The following DTL variants were observed in gnomAD, a reference collection of about 807,000 sequenced individuals.
The protein encoded by DTL is denticleless protein homolog.
Under a neutral mutation model 87.0 loss-of-function variants are expected in DTL, and 46 were observed. That is an observed-to-expected ratio of 0.53 (90% CI 0.42 to 0.68). The LOEUF is 0.68. DTL is among the 30% of genes least tolerant of loss of function. The probability of loss-of-function intolerance (pLI) is 0.00; values close to 1 mark genes in which losing one functional copy is unlikely to be tolerated. For synonymous variants in DTL, 308 were observed against 311.2 expected (o/e 0.99, Z 0.11); for missense variants, 737 against 869.4 (o/e 0.85, Z 1.91).
intron 13 of DTL, among the ~76,000 whole-genome samples, chr1:212,093,339 C>T (rs1010189777): frequency 2.7e-4 from 41 of 152,314 alleles, no homozygotes; most frequent in African/African-American, 9.4e-4. Context: ...CTATAGGCGG[C>T]TTGTGTTAAC....
intron 5 of DTL, 150 bp from the exon 6 acceptor site, chr1:212,062,733 TG>T: frequency 1.8e-6 from 1 of 566,240 alleles, no homozygotes; most frequent in East Asian, 3.0e-5. Flanking sequence ...TTTTCCTATT[TG>T]TTATTGAGCC....
chr1:212,073,008 G>A (rs1338191737), intron 11 of DTL, among the ~76,000 whole-genome samples: 4 of 151,998 alleles, frequency 2.6e-5, no homozygotes, highest in Non-Finnish European at 5.9e-5. Context: ...CTCGTGATCC[G>A]CCCAACTTGG....
intron 14 of DTL, among the ~76,000 whole-genome samples, chr1:212,101,869 G>T (rs571719827): frequency 1.3e-5 from 2 of 152,320 alleles, no homozygotes; most frequent in African/African-American, 4.8e-5. Context: ...GTAGCTGAGT[G>T]CATTGGGTGA....
intron 1 of DTL, among the ~76,000 whole-genome samples, chr1:212,037,098 C>G (rs542697331): frequency 1.3e-5 from 2 of 152,184 alleles, no homozygotes; most frequent in Admixed American, 1.3e-4. Context: ...AGTGACAGTA[C>G]GCACAGTGGC....
intron 6 of DTL, 61 bp from the exon 7 acceptor site, chr1:212,064,856 C>A: frequency 1.5e-6 from 2 of 1,334,888 alleles, no homozygotes; most frequent in Non-Finnish European, 2.1e-6. Context: ...GTTTTATTTA[C>A]ACATGTTATA....
intron 5 of DTL, among the ~76,000 whole-genome samples, chr1:212,049,286 G>T (rs905894562): frequency 6.6e-6 from 1 of 152,160 alleles, no homozygotes; most frequent in African/African-American, 2.4e-5. Flanking sequence ...CTGGAACCTT[G>T]AAGGGGAAAT....
chr1:212,079,151 C>A (rs1197709626), intron 12 of DTL, among the ~76,000 whole-genome samples: 1 of 151,810 alleles, frequency 6.6e-6, no homozygotes, highest in African/African-American at 2.4e-5. Context: ...CATGGCAGAC[C>A]TTTTCTTTTT....
chr1:212,078,049 A>G, intron 11 of DTL, 124 bp from the exon 12 acceptor site: 5 of 525,326 alleles, frequency 9.5e-6, no homozygotes, highest in Middle Eastern at 2.8e-4. Context: ...AACTATAGCT[A>G]GGCAGGTCTA....
At position 212,104,509 on chromosome 1, in the gene DTL, G is replaced by C. The variant is rs550004396; in HGVS notation, c.*1569G>C. On this transcript the variant is annotated 3_prime_UTR_variant, in exon 15 of 15. Coordinates refer to ENST00000366991, the MANE Select transcript of DTL (RefSeq NM_016448.4). ...GTTTGTTTTTTGACTGTTGGGCTTT[G>C]GGAAGATGTTATTTATGACCAATAT... 6.6e-6 allele frequency: 1 copy of C among 152,148 alleles called. No individual in the cohort carries two copies. Among genetic ancestry groups the C allele is most frequent in the African/African-American group, 2.4e-5 (1 of 41,520 alleles). 9.4% of individuals were successfully genotyped at this position (152,148 alleles called of 1,614,324 possible).
intron 11 of DTL, among the ~76,000 whole-genome samples, chr1:212,075,247 T>A (rs1654794937): frequency 6.6e-6 from 1 of 152,210 alleles, no homozygotes; most frequent in African/African-American, 2.4e-5. Context: ...ATCTGTAAGT[T>A]AGAGCCACTT....
At chr1:212,087,144 C>T (rs1400025816) in intron 13 of DTL, among the ~76,000 whole-genome samples, 2 of 152,174 alleles carry the variant, frequency 1.3e-5, no homozygotes, top group Admixed American at 6.5e-5. Context: ...GTTAGACTTG[C>T]TTAAAATCTC....
intron 7 of DTL, among the ~76,000 whole-genome samples, chr1:212,065,667 G>GA (rs999924191): frequency 8.5e-5 from 13 of 152,178 alleles, no homozygotes; most frequent in African/African-American, 3.1e-4. Flanking sequence ...TTTCTAAGGG[G>GA]AAAGAATACC....
In DTL at chr1:212,102,885, T is replaced by TC; in HGVS notation, c.2140dup (p.His714ProfsTer2). On this transcript the variant is annotated frameshift_variant, in exon 15 of 15. Transcript: ENST00000366991. LOFTEE classifies it high-confidence loss of function. ...TCCATGAGGAAAATCTGCACATACT[T>TC]CCATAGAAAGTCCCAGGAGGACTTC... 1 of 1,612,794 alleles carries TC rather than the reference T, an allele frequency of 6.2e-7. No individual in the cohort carries two copies. Among genetic ancestry groups the TC allele is most frequent in the East Asian group, 2.2e-5 (1 of 44,812 alleles).
chr1:212,098,672 T>C (rs945112533), intron 13 of DTL, among the ~76,000 whole-genome samples: 1 of 151,658 alleles, frequency 6.6e-6, no homozygotes, highest in Non-Finnish European at 1.5e-5. Flanking sequence ...TTCATACACA[T>C]CACCAGGGAA....
chr1:212,088,425 C>G (rs1251603311), intron 13 of DTL, among the ~76,000 whole-genome samples: 2 of 152,182 alleles, frequency 1.3e-5, no homozygotes, highest in African/African-American at 4.8e-5. Flanking sequence ...TTATTAGCTG[C>G]CCTCGAGGCT....
chr1:212,079,000 T>C (rs1214491577), intron 12 of DTL, among the ~76,000 whole-genome samples: 1 of 152,064 alleles, frequency 6.6e-6, no homozygotes, highest in Non-Finnish European at 1.5e-5. Context: ...GTATGACGTT[T>C]TGAGGTTTTG....
chr1:212,073,446 A>G (rs537751390), intron 11 of DTL, among the ~76,000 whole-genome samples: 1 of 152,358 alleles, frequency 6.6e-6, no homozygotes, highest in Admixed American at 6.5e-5. Context: ...CCTTCTCAAG[A>G]GAAAGTTATA....
At chr1:212,069,839 C>T (rs1200819066) in intron 10 of DTL, among the ~76,000 whole-genome samples, 1 of 152,042 alleles carries the variant, frequency 6.6e-6, no homozygotes, top group Non-Finnish European at 1.5e-5. Context: ...CCACCATGCC[C>T]GGCCCAGAAC....
chr1:212,085,904 C>G (rs1363011320), intron 13 of DTL, among the ~76,000 whole-genome samples: 1 of 152,184 alleles, frequency 6.6e-6, no homozygotes, highest in Non-Finnish European at 1.5e-5. Flanking sequence ...ATCGTCATGG[C>G]ACCCTTGGTA....
Sources: allele counts gnomAD v4.1 joint callset (sites outside exome capture counted in the v4.1 genomes callset), GRCh38; gene constraint gnomAD v4.1.1; transcripts MANE v1.5; gene names NCBI Gene and HGNC (gene_info 2026-07-23, HGNC 2026-07-21).